Variants in COQ6 observed in about 807,000 individuals in gnomAD.
COQ6 encodes coenzyme Q6, monooxygenase.
COQ6 carries 45 observed loss-of-function variants against 55.5 expected under a neutral mutation model. The ratio of observed to expected loss-of-function variants is 0.81; its 90% confidence interval spans 0.64 to 1.04. COQ6 has a LOEUF of 1.04. COQ6 is among the 50% of genes least tolerant of loss of function. The pLI is 0.00. For missense variants in COQ6, 550 were observed against 601.3 expected, an observed-to-expected ratio of 0.91 and a Z score of 0.89; for synonymous variants, 206 against 230.5, an observed-to-expected ratio of 0.89 and a Z score of 0.96.
chr14:73,950,533 G>A, intron 1 of COQ6, 38 bp downstream of exon 1: 1 of 1,569,832 alleles, frequency 6.4e-7, no homozygotes. Context: ...CCGGAAACCG[G>A]GCCGCGGAGG....
intron 2 of COQ6, 170 bp from the exon 3 acceptor site, chr14:73,955,281 A>C: frequency 1.4e-6 from 1 of 690,526 alleles, no homozygotes; most frequent in Non-Finnish European, 2.7e-6. Flanking sequence ...ATGCTATACA[A>C]CCTGGAACTG....
intron 5 of COQ6, chr14:73,958,656 G>T: frequency 7.7e-7 from 1 of 1,306,400 alleles, no homozygotes; most frequent in South Asian, 1.5e-5. Flanking sequence ...CCCTACATCA[G>T]AACTATTCAG....
chr14:73,960,035 G>A (rs1348998657), intron 8 of COQ6: 1 of 1,009,970 alleles, frequency 9.9e-7, no homozygotes, highest in Non-Finnish European at 1.2e-6. Flanking sequence ...GCTGCTGTTA[G>A]GCTGACTGAA....
At chr14:73,950,637 C>G in intron 1 of COQ6, 142 bp downstream of exon 1, 2 of 1,285,670 alleles carry the variant, frequency 1.6e-6, no homozygotes, top group Non-Finnish European at 2.1e-6. Context: ...AGAGGAACCC[C>G]AGGGCACGCC....
chr14:73,950,288 G>C (rs1454116662), upstream of COQ6: 3 of 1,541,090 alleles, frequency 1.9e-6, no homozygotes, highest in South Asian at 3.6e-5. Context: ...GCACTACGTA[G>C]GTGGGCCTGC....
At chr14:73,954,954 A>ATTTT (rs560443872) in intron 2 of COQ6, among the ~76,000 whole-genome samples, 9 of 109,066 alleles carry the variant, frequency 8.3e-5, no homozygotes, top group East Asian at 2.8e-4. Flanking sequence ...TTTTTATTTT[A>ATTTT]TTTTTTTTTT....
chr14:73,949,930 T>C, upstream of COQ6: 1 of 1,609,734 alleles, frequency 6.2e-7, no homozygotes, highest in Non-Finnish European at 8.5e-7. Flanking sequence ...CAGTTTCCTC[T>C]CCGGGATTCC....
intron 1 of COQ6, 187 bp downstream of exon 1, chr14:73,950,682 C>A: frequency 2.3e-6 from 2 of 859,046 alleles, no homozygotes; most frequent in Non-Finnish European, 3.5e-6. Flanking sequence ...CCATTAGGGT[C>A]AAAAGTGGGA....
chr14:73,961,656 AT>A, intron 10 of COQ6, 80 bp from the exon 11 acceptor site: 1 of 1,604,380 alleles, frequency 6.2e-7, no homozygotes. Context: ...GGGAGTGGAC[AT>A]AAAATATATC....
chr14:73,962,388 T>C (rs72627141), intron 11 of COQ6, among the ~76,000 whole-genome samples: 12,900 of 152,022 alleles, frequency 0.085, 914 homozygotes, highest in East Asian at 0.32. Flanking sequence ...TAACTATGTA[T>C]AAAAAGGGCT....
intron 2 of COQ6, among the ~76,000 whole-genome samples, chr14:73,955,042 C>T (rs2056366853): frequency 6.7e-6 from 1 of 149,536 alleles, no homozygotes; most frequent in Admixed American, 6.7e-5. Flanking sequence ...AGCTCCGCCT[C>T]CCGGGTTCAG....
chr14:73,953,359 A>T, intron 1 of COQ6, 76 bp from the exon 2 acceptor site: 1 of 1,235,572 alleles, frequency 8.1e-7, no homozygotes, highest in Non-Finnish European at 1.2e-6. Context: ...TTAAGTGGTT[A>T]CTCTGTTGTT....
Position 73,950,614 on chromosome 14 carries a change from C to T in COQ6, c.163+119C>T, listed in dbSNP as rs1010666235. ...ATTTCTCAGGTCTCGCGACGCTTCTCCCCTCCCCTCCTAGAGGAACCCCAG... is the reference window on the plus strand; with the variant it reads ...ATTTCTCAGGTCTCGCGACGCTTCTTCCCTCCCCTCCTAGAGGAACCCCAG... On this transcript the variant is annotated intron_variant, in intron 1 of 11. Coordinates refer to ENST00000334571, the MANE Select transcript of COQ6 (RefSeq NM_182476.3). 19 of 1,417,210 alleles carry T rather than the reference C, an allele frequency of 1.3e-5. No homozygotes were observed. In the Admixed American group the frequency reaches 1.4e-4, roughly 10 times the overall value. The allele number at this position is 1,417,210 out of a possible 1,614,324, so 87.8% of individuals were successfully genotyped here.
rs555470269 is a variant in COQ6 at position 73,959,759 on chromosome 14, G to A, written c.891+237G>A. The A allele has an allele frequency of 1.4e-4, 156 of 1,153,834 alleles. 1 individual carries two copies. The South Asian group carries it at 2.5e-3, about 18-fold the overall frequency. 71.5% of individuals were successfully genotyped at this position (1,153,834 alleles called of 1,614,324 possible). A position where few individuals can be genotyped will look rare whatever the true frequency, so the allele number is the denominator to read the frequency against. The stretch of plus-strand genomic sequence containing the variant: ...TAATTTTTCTATTTTTAGTAGAGAT[G>A]AGGTTTCACCATGTTGGCCAGGCTG... On this transcript the variant is annotated intron_variant, in intron 8 of 11. Transcript: ENST00000334571.
chr14:73,963,352 TTATA>T lies in COQ6; in HGVS notation c.*354_*357del. ...TTTTGTTTTAATGTTGGTCATAAAT[TTATA>T]CAGTTGTTTTTTGATAGAGGTAAGA... On this transcript the variant is annotated 3_prime_UTR_variant, in exon 12 of 12. Coordinates refer to ENST00000334571, the MANE Select transcript of COQ6 (RefSeq NM_182476.3). 2.5e-6 allele frequency: 1 copy of T among 398,830 alleles called. No homozygotes were observed. Among genetic ancestry groups the T allele is most frequent in the Non-Finnish European group, 4.4e-6 (1 of 225,016 alleles). The allele number at this position is 398,830 out of a possible 1,614,324, so 24.7% of individuals were successfully genotyped here.
At chr14:73,952,017 TTACAGAGCATGCTC>T (rs2056218810) in intron 1 of COQ6, among the ~76,000 whole-genome samples, 2 of 146,760 alleles carry the variant, frequency 1.4e-5, no homozygotes, top group Admixed American at 1.4e-4. Flanking sequence ...ATAGTGCCCT[TTACAGAGCATGCTC>T]TACAGAGCAT....
At position 73,957,084 on chromosome 14, in the gene COQ6, T is replaced by TTAC. The variant is rs1451795148; in HGVS notation, c.482-1061_482-1060insCTA. Among the ~76,000 whole-genome samples the TTAC allele has an allele frequency of 2.7e-3, 347 of 129,682 alleles. 1 individual carries two copies. The highest frequency in any genetic ancestry group is 5.0e-3 in the Non-Finnish European group (279 of 55,902). The allele number at this position is 129,682 out of a possible 152,430, so 85.1% of individuals were successfully genotyped here. Reference sequence around the variant, plus strand: ...TGTTGTCCAGACTTCTACAGCGAGCTTATTATTATTATTATTATTTTTTTT... The same window carrying TTAC: ...TGTTGTCCAGACTTCTACAGCGAGCTTACTATTATTATTATTATTATTTTTTTT... On this transcript the variant is annotated intron_variant, in intron 4 of 11. Coordinates refer to ENST00000334571, the MANE Select transcript of COQ6 (RefSeq NM_182476.3).
At position 73,961,490 on chromosome 14, in the gene COQ6, A is replaced by C; in HGVS notation, c.1130A>C (p.Gln377Pro). 6.2e-7 allele frequency: 1 copy of C among 1,614,226 alleles called. No individual in the cohort carries two copies. The highest frequency in any genetic ancestry group is 8.5e-7 in the Non-Finnish European group (1 of 1,180,034). The change falls in exon 10 of 12, where the codon CAG (glutamine) becomes CCG (proline). Residue 377 changes from glutamine to proline, a missense_variant. By Grantham distance (76) the Gln-to-Pro change is moderately conservative. Coordinates refer to ENST00000334571, the MANE Select transcript of COQ6 (RefSeq NM_182476.3). Reference protein sequence around the residue: ...AAHRVHPLAGQGVNMGFGDIS... With the variant: ...AAHRVHPLAGPGVNMGFGDIS... The stretch of plus-strand genomic sequence containing the variant: ...CACAGAGTCCATCCGCTTGCAGGAC[A>C]GGGTGTCAACATGGGCTTTGGGGAT...
Position 73,958,266 on chromosome 14 carries a change from A to C in COQ6, c.601A>C (p.Thr201Pro). The change falls in exon 5 of 12, where the codon ACC becomes CCC. Residue 201 changes from threonine to proline, a missense_variant. Physicochemically the swap from Thr to Pro is conservative, Grantham distance 38. Coordinates refer to ENST00000334571, the MANE Select transcript of COQ6 (RefSeq NM_182476.3). ...CCTAGGTGATGGCAGCACCTTCCAGACCAAATTGTTGGTAGTTGAAGATTC... is the reference window on the plus strand; with the variant it reads ...CCTAGGTGATGGCAGCACCTTCCAGCCCAAATTGTTGGTAGTTGAAGATTC... ...ITLGDGSTFQ[T>P]KLLIGADGHN... is the part of the protein sequence containing the mutation. 6.2e-7 allele frequency: 1 copy of C among 1,614,048 alleles called. No individual in the cohort carries two copies. Among genetic ancestry groups the C allele is most frequent in the East Asian group, 2.2e-5 (1 of 44,884 alleles).
Sources: gnomAD v4.1 joint callset for allele counts (sites outside exome capture counted in the v4.1 genomes callset) on GRCh38, gnomAD v4.1.1 for gene constraint, MANE v1.5 for transcripts, NCBI Gene and HGNC (gene_info 2026-07-23, HGNC 2026-07-21) for gene names.